The following ADCY10 variants were observed in gnomAD, a reference collection of about 807,000 sequenced individuals.
ADCY10 encodes adenylate cyclase type 10.
Under a neutral mutation model 183.3 loss-of-function variants are expected in ADCY10, and 156 were observed. The observed-to-expected ratio is 0.85, with a 90% CI of 0.75 to 0.97. The LOEUF (loss-of-function observed/expected upper bound fraction) is 0.97, where lower values mean the gene tolerates loss of function less well. ADCY10 is among the 50% of genes least tolerant of loss of function. ADCY10 has a pLI of 0.00. For synonymous variants in ADCY10, 645 were observed against 670.0 expected (o/e 0.96, Z 0.58); for missense variants, 1,745 against 1,934.3 (o/e 0.90, Z 1.84).
chr1:167,833,744 CAAAA>C lies in ADCY10; in HGVS notation c.3417+222_3417+225del, dbSNP rs539820019. Among the ~76,000 whole-genome samples, 4,508 of 98,370 alleles carry C rather than the reference CAAAA, an allele frequency of 0.046. 120 individuals carry two copies. Among genetic ancestry groups the C allele is most frequent in the East Asian group, 0.21 (639 of 3,094 alleles). 64.5% of individuals were successfully genotyped at this position (98,370 alleles called of 152,430 possible). On this transcript the variant is annotated intron_variant, in intron 24 of 32. Coordinates refer to ENST00000367851, the MANE Select transcript of ADCY10 (RefSeq NM_018417.6). ...TGGGCAACACAGCAAGACTCCCTCT[CAAAA>C]AAAAAAAAAAAAAAAGATGTAAACC...
intron 16 of ADCY10, among the ~76,000 whole-genome samples, chr1:167,858,526 G>A (rs1021693100): frequency 6.8e-6 from 1 of 147,700 alleles, no homozygotes; most frequent in Non-Finnish European, 1.5e-5. Context: ...AAAAAAAGAG[G>A]CTCACGATTT....
chr1:167,891,377 T>G (rs2102338476), intron 8 of ADCY10, among the ~76,000 whole-genome samples: 1 of 151,260 alleles, frequency 6.6e-6, no homozygotes, highest in Non-Finnish European at 1.5e-5. Context: ...GAGTGTTGGG[T>G]CGGGCGCAGT....
At chr1:167,810,137 A>G (rs1164797203) in intron 32 of ADCY10, among the ~76,000 whole-genome samples, 1 of 152,226 alleles carries the variant, frequency 6.6e-6, no homozygotes, top group Non-Finnish European at 1.5e-5. Flanking sequence ...AGACACGCAG[A>G]CAGATGTAAC....
At chr1:167,828,747 A>G (rs1275043332) in intron 26 of ADCY10, among the ~76,000 whole-genome samples, 2 of 152,188 alleles carry the variant, frequency 1.3e-5, no homozygotes, top group Non-Finnish European at 1.5e-5. Context: ...AGATCACTTG[A>G]GGTCAGGAGT....
At chr1:167,834,226 A>G (rs1373435111) in intron 23 of ADCY10, 149 bp from the exon 24 acceptor site, 1 of 696,258 alleles carries the variant, frequency 1.4e-6, no homozygotes, top group Non-Finnish European at 2.6e-6. Flanking sequence ...ACTGATTAAA[A>G]TGGGCTTCCA....
Position 167,904,981 on chromosome 1 carries a change from T to C in ADCY10, c.148+12A>G. 1 of 1,614,140 alleles carries C rather than the reference T, an allele frequency of 6.2e-7. No individual in the cohort carries two copies. Among genetic ancestry groups the C allele is most frequent in the Non-Finnish European group, 8.5e-7 (1 of 1,180,008 alleles). ...CTCATCCACATTAAACAAACATCCC[T>C]TTTGCACTTGCCTGAAATATCAACA... On this transcript the variant is annotated intron_variant, in intron 2 of 32. Transcript: ENST00000367851.
intron 21 of ADCY10, among the ~76,000 whole-genome samples, chr1:167,838,708 C>A (rs770618615): frequency 3.3e-5 from 5 of 152,210 alleles, no homozygotes; most frequent in African/African-American, 9.6e-5. Context: ...TAAGCCTCGA[C>A]ATCTACTTTA....
rs185253868 is a variant in ADCY10, at chr1:167,869,387, A to G, written c.1616+870T>C. 9.2e-5 allele frequency among the ~76,000 whole-genome samples: 14 copies of G among 152,288 alleles called. No homozygotes were observed. The East Asian group carries it at 2.3e-3, about 25-fold the overall frequency. ...ATAAGTGGCAAAAATAAGAGTGAGAACTCCCACTAATAAAAAGTGAGAGTC... is the reference window on the plus strand; with the variant it reads ...ATAAGTGGCAAAAATAAGAGTGAGAGCTCCCACTAATAAAAAGTGAGAGTC... On this transcript the variant is annotated intron_variant, in intron 14 of 32. Transcript: ENST00000367851.
At position 167,826,713 on chromosome 1, in the gene ADCY10, T is replaced by G. The variant is rs1663318823; in HGVS notation, c.3751-1858A>C. ...CCTTGCTTCCAAGGGATTTACACAC[T>G]GGTAAGGGAGAGAGACCAAGAACCA... On this transcript the variant is annotated intron_variant, in intron 26 of 32. Transcript: ENST00000367851. Among the ~76,000 whole-genome samples the G allele has an allele frequency of 3.9e-5, 6 of 152,164 alleles. No homozygotes were observed. The South Asian group carries it at 1.2e-3, about 32-fold the overall frequency.
intron 14 of ADCY10, among the ~76,000 whole-genome samples, chr1:167,868,335 T>G (rs1666849868): frequency 6.6e-6 from 1 of 152,152 alleles, no homozygotes; most frequent in Non-Finnish European, 1.5e-5. Flanking sequence ...ACCCTGATCA[T>G]TTCTAGGTTC....
Position 167,837,330 on chromosome 1 carries a change from A to G in ADCY10, c.3008-12T>C. The G allele has an allele frequency of 1.2e-6, 2 of 1,608,136 alleles. No homozygotes were observed. Among genetic ancestry groups the G allele is most frequent in the Non-Finnish European group, 1.7e-6 (2 of 1,174,480 alleles). On this transcript the variant is annotated splice_polypyrimidine_tract_variant and intron_variant, in intron 21 of 32. Transcript: ENST00000367851. Reference sequence around the variant, plus strand: ...AAGCTTTTCTTCAGCTAGAAAATAAACAAATGAGTTGTATGGGTCATTGAA... The same window carrying G: ...AAGCTTTTCTTCAGCTAGAAAATAAGCAAATGAGTTGTATGGGTCATTGAA...
intron 3 of ADCY10, among the ~76,000 whole-genome samples, chr1:167,903,642 G>A (rs1323023704): frequency 6.6e-6 from 1 of 152,118 alleles, no homozygotes; most frequent in Non-Finnish European, 1.5e-5. Flanking sequence ...TTTAAAAGCA[G>A]TGTATAATTC....
intron 13 of ADCY10, among the ~76,000 whole-genome samples, chr1:167,874,838 C>A (rs1667341077): frequency 6.6e-6 from 1 of 151,998 alleles, no homozygotes; most frequent in Non-Finnish European, 1.5e-5. Context: ...TATAACATAC[C>A]ATTGAGTAAG....
chr1:167,815,454 T>C (rs1438247855), intron 31 of ADCY10, among the ~76,000 whole-genome samples: 1 of 152,138 alleles, frequency 6.6e-6, no homozygotes, highest in East Asian at 1.9e-4. Flanking sequence ...ATGTCCCACC[T>C]AAGGAAGAGG....
chr1:167,893,001 C>T (rs1668704260), intron 8 of ADCY10, among the ~76,000 whole-genome samples: 1 of 152,086 alleles, frequency 6.6e-6, no homozygotes, highest in South Asian at 2.1e-4. Flanking sequence ...AGAATAAATA[C>T]ATGAACTAGC....
At chr1:167,818,307 C>G in intron 30 of ADCY10, 40 bp from the exon 31 acceptor site, 1 of 1,565,916 alleles carries the variant, frequency 6.4e-7, no homozygotes, top group South Asian at 1.1e-5. Flanking sequence ...CAGTATCACC[C>G]ATTAGGAATA....
At chr1:167,860,580 A>G (rs1338168022) in intron 15 of ADCY10, among the ~76,000 whole-genome samples, 1 of 152,260 alleles carries the variant, frequency 6.6e-6, no homozygotes, top group African/African-American at 2.4e-5. Context: ...CATCACTTGT[A>G]GGAACAGAGT....
intron 29 of ADCY10, among the ~76,000 whole-genome samples, chr1:167,822,759 CA>C (rs1433459862): frequency 6.6e-6 from 1 of 152,172 alleles, no homozygotes; most frequent in African/African-American, 2.4e-5. Flanking sequence ...ATTGATCTGA[CA>C]GTTTAACTGG....
intron 13 of ADCY10, among the ~76,000 whole-genome samples, chr1:167,874,221 C>G (rs1470333093): frequency 1.3e-5 from 2 of 152,138 alleles, no homozygotes; most frequent in Admixed American, 1.3e-4. Context: ...ATCCCAGCTA[C>G]TCAGGAGGCT....
Sources: gnomAD v4.1 joint callset for allele counts (sites outside exome capture counted in the v4.1 genomes callset) on GRCh38, gnomAD v4.1.1 for gene constraint, MANE v1.5 for transcripts, NCBI Gene and HGNC (gene_info 2026-07-23, HGNC 2026-07-21) for gene names.